PARP8: variants seen among roughly 807,000 people sequenced by gnomAD.
PARP8 encodes poly(ADP-ribose) polymerase family member 8, also known as protein mono-ADP-ribosyltransferase PARP8.
PARP8 carries 51 observed loss-of-function variants against 124.1 expected under a neutral mutation model. The observed-to-expected ratio is 0.41, with a 90% CI of 0.33 to 0.52. The LOEUF (loss-of-function observed/expected upper bound fraction) is 0.52, where lower values mean the gene tolerates loss of function less well. Ranked by LOEUF, PARP8 falls within the 20% of genes least tolerant of loss-of-function variation. The probability of loss-of-function intolerance (pLI) is 0.21; values close to 1 mark genes in which losing one functional copy is unlikely to be tolerated. For synonymous variants in PARP8, 391 were observed against 361.5 expected (o/e 1.08, Z -0.93); for missense variants, 860 against 1,018.9 (o/e 0.84, Z 2.12).
chr5:50,703,446 A>G (rs1365654868), intron 2 of PARP8, among the ~76,000 whole-genome samples: 1 of 152,118 alleles, frequency 6.6e-6, no homozygotes, highest in Admixed American at 6.6e-5. Flanking sequence ...GTCCTGCTCA[A>G]TGAGATCATT....
intron 7 of PARP8, among the ~76,000 whole-genome samples, chr5:50,775,888 C>A (rs1739957137): frequency 6.6e-6 from 1 of 152,066 alleles, no homozygotes; most frequent in Non-Finnish European, 1.5e-5. Context: ...TCCTTTATTT[C>A]TTTCTCTTGC....
chr5:50,676,853 T>TTTAA, intron 2 of PARP8, among the ~76,000 whole-genome samples: 1 of 152,204 alleles, frequency 6.6e-6, no homozygotes, highest in East Asian at 1.9e-4. Context: ...AACCCCTTTT[T>TTTAA]TAAGGCAATG....
chr5:50,737,769 A>G (rs1224098660), intron 2 of PARP8, among the ~76,000 whole-genome samples: 2 of 152,192 alleles, frequency 1.3e-5, no homozygotes, highest in African/African-American at 4.8e-5. Flanking sequence ...GTCTTGTTAA[A>G]TGGCCACCTT....
chr5:50,813,348 T>A (rs981332099), intron 14 of PARP8, among the ~76,000 whole-genome samples: 7 of 152,222 alleles, frequency 4.6e-5, no homozygotes, highest in Non-Finnish European at 7.3e-5. Context: ...TTATTCTCTT[T>A]GAAGCAATTG....
At chr5:50,737,303 C>T in intron 2 of PARP8, among the ~76,000 whole-genome samples, 1 of 152,056 alleles carries the variant, frequency 6.6e-6, no homozygotes, top group East Asian at 1.9e-4. Flanking sequence ...TATGATACTC[C>T]AGGGATAGCC....
chr5:50,794,765 G>A, intron 11 of PARP8, 88 bp from the exon 12 acceptor site: 1 of 1,176,948 alleles, frequency 8.5e-7, no homozygotes, highest in Non-Finnish European at 1.2e-6. Flanking sequence ...ATATTTATTA[G>A]CACAGTCGAG....
intron 17 of PARP8, among the ~76,000 whole-genome samples, chr5:50,822,726 A>G (rs1235636475): frequency 6.6e-6 from 1 of 152,224 alleles, no homozygotes; most frequent in Non-Finnish European, 1.5e-5. Flanking sequence ...AATTGATGGT[A>G]GCAATTTCAA....
At chr5:50,762,423 G>T (rs1218637862) in intron 6 of PARP8, among the ~76,000 whole-genome samples, 6 of 152,088 alleles carry the variant, frequency 3.9e-5, no homozygotes, top group South Asian at 2.1e-4. Flanking sequence ...ATATATAAAA[G>T]AACTCATCAG....
chr5:50,691,494 A>G (rs938936795), intron 2 of PARP8, among the ~76,000 whole-genome samples: 5 of 152,150 alleles, frequency 3.3e-5, no homozygotes, highest in Admixed American at 2.6e-4. Context: ...CCCCTTTTAT[A>G]GAACTCCACT....
chr5:50,677,304 A>G lies in PARP8; in HGVS notation c.146+9179A>G, dbSNP rs566180928. On this transcript the variant is annotated intron_variant, in intron 2 of 25. Transcript: ENST00000281631. ...TTTCTCATTAAAATGCATCACAGCT[A>G]GATATGCAGCAAAAAAAAAAAAAAA... Among the ~76,000 whole-genome samples, 17 of 131,758 alleles carry G rather than the reference A, an allele frequency of 1.3e-4. 1 individual carries two copies. The South Asian group carries it at 4.3e-3, about 34-fold the overall frequency. 86.4% of individuals were successfully genotyped at this position (131,758 alleles called of 152,430 possible). A position where few individuals can be genotyped will look rare whatever the true frequency, so the allele number is the denominator to read the frequency against.
At chr5:50,826,471 T>C (rs1746364118) in intron 18 of PARP8, among the ~76,000 whole-genome samples, 1 of 152,142 alleles carries the variant, frequency 6.6e-6, no homozygotes, top group Non-Finnish European at 1.5e-5. Flanking sequence ...TGTTCAAATG[T>C]TCATTTTGCT....
intron 2 of PARP8, among the ~76,000 whole-genome samples, chr5:50,745,817 A>G (rs932346408): frequency 6.6e-6 from 1 of 152,182 alleles, no homozygotes; most frequent in Non-Finnish European, 1.5e-5. Flanking sequence ...TTATTTCTAC[A>G]TAGTACCATT....
chr5:50,715,999 A>G (rs1032180763), intron 2 of PARP8, among the ~76,000 whole-genome samples: 2 of 152,106 alleles, frequency 1.3e-5, no homozygotes, highest in Non-Finnish European at 2.9e-5. Flanking sequence ...AGTACATATG[A>G]ATGAATAAAA....
chr5:50,793,753 GA>G (rs1489793496), intron 10 of PARP8, among the ~76,000 whole-genome samples: 1 of 152,014 alleles, frequency 6.6e-6, no homozygotes, highest in Non-Finnish European at 1.5e-5. Flanking sequence ...CAAGTAAAAA[GA>G]AAATGGCTTT....
At chr5:50,796,415 ACAT>A (rs1320966246) in intron 12 of PARP8, among the ~76,000 whole-genome samples, 5 of 152,214 alleles carry the variant, frequency 3.3e-5, no homozygotes, top group African/African-American at 1.2e-4. Context: ...TCCTACTCAA[ACAT>A]ACGTTTTAAG....
In PARP8 at chr5:50,778,577, T is replaced by C; in HGVS notation, c.597T>C (p.Ala199=). The C allele has an allele frequency of 6.2e-7, 1 of 1,609,570 alleles. No individual in the cohort carries two copies. The highest frequency in any genetic ancestry group is 8.5e-7 in the Non-Finnish European group (1 of 1,178,362). ...VSFLDEEIAV[A]WEVIRTEPII... ...TTGTGCAGGAGGAGATTGCTGTGGC[T>C]TGGGAAGTAATTCGAACAGAACCTA... is the stretch of plus-strand genomic sequence containing the variant. Residue 199 remains alanine (A), a synonymous_variant, in exon 9 of 26, where the codon GCT becomes GCC. Coordinates refer to ENST00000281631, the MANE Select transcript of PARP8 (RefSeq NM_024615.4).
chr5:50,715,381 C>T (rs1755200823), intron 2 of PARP8, among the ~76,000 whole-genome samples: 1 of 151,916 alleles, frequency 6.6e-6, no homozygotes, highest in African/African-American at 2.4e-5. Flanking sequence ...ATTTTTATAA[C>T]CGTTCTAGGA....
At chr5:50,670,574 G>C (rs1000380600) in intron 2 of PARP8, among the ~76,000 whole-genome samples, 1 of 152,210 alleles carries the variant, frequency 6.6e-6, no homozygotes, top group African/African-American at 2.4e-5. Context: ...CTAATAAATT[G>C]TCCTTTTATT....
chr5:50,781,240 T>G (rs1740634934), intron 9 of PARP8, among the ~76,000 whole-genome samples: 1 of 152,218 alleles, frequency 6.6e-6, no homozygotes, highest in Non-Finnish European at 1.5e-5. Flanking sequence ...TTGGCCACAT[T>G]CTTTACTGAT....
Sources: gnomAD v4.1 joint callset for allele counts (sites outside exome capture counted in the v4.1 genomes callset) on GRCh38, gnomAD v4.1.1 for gene constraint, MANE v1.5 for transcripts, NCBI Gene and HGNC (gene_info 2026-07-23, HGNC 2026-07-21) for gene names.